Variants in SYN1 observed in about 807,000 individuals in gnomAD.
The protein encoded by SYN1 is synapsin I.
Under a neutral mutation model 44.6 loss-of-function variants are expected in SYN1, and 8 were observed. The ratio of observed to expected loss-of-function variants is 0.18; its 90% CI spans 0.11 to 0.32. SYN1 has a LOEUF of 0.32. Among genes scored for constraint, SYN1 ranks in the 10% least tolerant of loss-of-function variants. The pLI, the probability that SYN1 is intolerant of heterozygous loss-of-function variation, is 1.00. For missense variants in SYN1, 451 were observed against 639.4 expected, an observed-to-expected ratio of 0.71 and a Z score of 3.18; for synonymous variants, 275 against 280.1, an observed-to-expected ratio of 0.98 and a Z score of 0.18.
At chrX:47,578,814 G>A (rs1359654340) in intron 5 of SYN1, among the ~76,000 whole-genome samples, 2 of 111,171 alleles carry the variant, frequency 1.8e-5, no homozygotes, top group East Asian at 2.8e-4. Flanking sequence ...CCCAGTTCCC[G>A]ACAGGCACAG....
intron 1 of SYN1, among the ~76,000 whole-genome samples, chrX:47,610,765 ATGGCCCACACTAAG>A (rs1233741350): frequency 3.6e-5 from 4 of 110,971 alleles, no homozygotes; most frequent in Non-Finnish European, 7.5e-5. Context: ...GGAGTAAACA[ATGGCCCACACTAAG>A]TGAAGCAGAA....
chrX:47,602,851 T>C (rs902441134), intron 5 of SYN1, among the ~76,000 whole-genome samples: 31 of 111,686 alleles, frequency 2.8e-4, no homozygotes, highest in Admixed American at 8.6e-4. Flanking sequence ...TGATCATTTA[T>C]ATGAGTAAAC....
In SYN1 at chrX:47,574,227, T is replaced by A; in HGVS notation, c.1757A>T (p.Gln586Leu). The A allele has an allele frequency of 9.2e-7, 1 of 1,090,502 alleles. No homozygotes were observed. The highest frequency in any genetic ancestry group is 1.2e-6 in the Non-Finnish European group (1 of 842,504). The allele number at this position is 1,090,502 out of a possible 1,213,427, so 89.9% of individuals were successfully genotyped here. The change falls in exon 12 of 13, where the codon CAG (glutamine) becomes CTG (leucine). Residue 586 changes from glutamine to leucine, a missense_variant. Transcript: ENST00000295987. ...KASGAPPGGQQRQGPPQKPPG... is the reference protein window; with the variant it reads ...KASGAPPGGQLRQGPPQKPPG... ...GGGTTTCTGGGGCGGGCCCTGGCGC[T>A]GCTGCCCGCCCGGTGGGGCCCCAGA...
intron 5 of SYN1, among the ~76,000 whole-genome samples, chrX:47,581,891 C>T (rs765216857): frequency 3.6e-5 from 4 of 111,795 alleles, no homozygotes; most frequent in South Asian, 7.4e-4. Context: ...TTAACCACTC[C>T]GTGCCTCAGT....
rs375440874 is a variant in SYN1, at chrX:47,574,756, A to G, written c.1325T>C (p.Leu442Pro). Residue 442 changes from leucine (L) to proline (P), a missense_variant, in exon 11 of 13, where the codon CTG (leucine) becomes CCG (proline). This residue lies in a region of SYN1 where 315 missense variants were observed against 451.4 expected (regional missense o/e 0.70). Transcript: ENST00000295987. ...CTGGGAGGTCTGGCGGCCCAAGGGC[A>G]GGGCCCCTGGGGACGGAGTCTGCGG... Reference protein sequence around the residue: ...SHGQTPSPGALPLGRQTSQQP... With the variant: ...SHGQTPSPGAPPLGRQTSQQP... 116 of 1,186,149 alleles carry G rather than the reference A, an allele frequency of 9.8e-5. No individual in the cohort carries two copies. In the African/African-American group the frequency reaches 1.9e-3, roughly 19 times the overall value.
At chrX:47,586,607 G>A in intron 5 of SYN1, 1 of 1,212,055 alleles carries the variant, frequency 8.3e-7, no homozygotes. Context: ...GCTCTGAAAA[G>A]GGCTTCCAGT....
At chrX:47,605,897 T>G (rs1021879835) in intron 3 of SYN1, among the ~76,000 whole-genome samples, 3 of 110,157 alleles carry the variant, frequency 2.7e-5, no homozygotes, top group Non-Finnish European at 5.7e-5. Context: ...ATATATATTT[T>G]TTTCTTTTTT....
intron 12 of SYN1, among the ~76,000 whole-genome samples, chrX:47,573,472 G>A (rs1386316614): frequency 1.8e-5 from 2 of 111,377 alleles, no homozygotes; most frequent in Admixed American, 1.9e-4. Context: ...TCTGAGCTGG[G>A]ATGGGAGTTG....
At chrX:47,594,541 A>G (rs1005785624) in intron 5 of SYN1, among the ~76,000 whole-genome samples, 6 of 109,022 alleles carry the variant, frequency 5.5e-5, no homozygotes, top group African/African-American at 1.7e-4. Context: ...TCAAAAAAAA[A>G]AAAAAGAAAA....
rs909638776 is a variant in SYN1, at chrX:47,592,431, A to G, written c.774+12547T>C. On this transcript the variant is annotated intron_variant, in intron 5 of 12. Coordinates refer to ENST00000295987, the MANE Select transcript of SYN1 (RefSeq NM_006950.3). ...ATCAGACTCCCTGTGGGCTGGGAGT[A>G]TGAGTCCTTATTATCACTTTTCTTT... 5.4e-5 allele frequency among the ~76,000 whole-genome samples: 6 copies of G among 111,564 alleles called. No homozygotes were observed. In the Admixed American group the frequency reaches 5.7e-4, roughly 11 times the overall value.
intron 5 of SYN1, among the ~76,000 whole-genome samples, chrX:47,589,318 GCA>G (rs2057839221): frequency 1.1e-5 from 1 of 91,374 alleles, no homozygotes; most frequent in Non-Finnish European, 2.2e-5. Context: ...AAAAGGCCGG[GCA>G]TGGTGGCTTA....
chrX:47,585,910 A>C, intron 5 of SYN1: 1 of 1,121,666 alleles, frequency 8.9e-7, no homozygotes, highest in Non-Finnish European at 1.2e-6. Context: ...TGGTCCCTCT[A>C]ATTCTCCCTT....
chrX:47,604,824 C>A, intron 5 of SYN1, 154 bp downstream of exon 5: 1 of 519,513 alleles, frequency 1.9e-6, no homozygotes. Context: ...TAAGGAAATT[C>A]ACGGTAGACC....
chrX:47,578,946 G>C (rs1031385831), intron 5 of SYN1, among the ~76,000 whole-genome samples: 14 of 111,879 alleles, frequency 1.3e-4, no homozygotes, highest in Non-Finnish European at 2.4e-4. Flanking sequence ...ATGTTGGGAC[G>C]GGGGTTTGGG....
At chrX:47,576,095 C>G in intron 9 of SYN1, 36 bp downstream of exon 9, 1 of 1,153,340 alleles carries the variant, frequency 8.7e-7, no homozygotes. Flanking sequence ...GGCATCTGTT[C>G]CTCCCTCTAC....
intron 5 of SYN1, chrX:47,586,514 C>A: frequency 8.3e-7 from 1 of 1,210,328 alleles, no homozygotes; most frequent in Non-Finnish European, 1.1e-6. Context: ...TCCCTCCTCC[C>A]TTCCAGGTGT....
rs1424462205 is a variant in SYN1, at chrX:47,607,169, T to C, written c.407A>G (p.His136Arg). 1 of 1,211,713 alleles carries C rather than the reference T, an allele frequency of 8.3e-7. No homozygotes were observed. Among genetic ancestry groups the C allele is most frequent in the Non-Finnish European group, 1.1e-6 (1 of 895,317 alleles). Residue 136 changes from histidine (H) to arginine (R), a missense_variant, in exon 2 of 13, where the codon CAT becomes CGT. Physicochemically the swap from His to Arg is conservative, Grantham distance 29 (BLOSUM62 0). Transcript: ENST00000295987. ...WAKYFKGKKI[H>R]GEIDIKVEQA... Reference sequence around the variant, plus strand: ...TTCTACTTTAATGTCAATTTCTCCATGGATCTTTTTCCCTTTGAAGTATTT... The same window carrying C: ...TTCTACTTTAATGTCAATTTCTCCACGGATCTTTTTCCCTTTGAAGTATTT...
rs1379185500 is a variant in SYN1 at position 47,619,513 on chromosome X, C to T, written c.216G>A (p.Gly72=). 8.4e-6 allele frequency: 10 copies of T among 1,196,030 alleles called. No homozygotes were observed. Among genetic ancestry groups the T allele is most frequent in the Non-Finnish European group, 1.1e-5 (10 of 891,396 alleles). The change falls in exon 1 of 13, where the codon GGG becomes GGA. Residue 72 remains glycine (G), a synonymous_variant. Transcript: ENST00000295987. ...ACAGCGACGAGAAGAAGCCACCGCC[C>T]CCCGAGGACCCGGGGCTAGGGGCGG... ...SPAAPSPGSS[G]GGGFFSSLSN...
chrX:47,576,647 A>C lies in SYN1; in HGVS notation c.838-7T>G, dbSNP rs898110871. On this transcript the variant is annotated splice_polypyrimidine_tract_variant and splice_region_variant and intron_variant, in intron 6 of 12. Transcript: ENST00000295987. Reference sequence around the variant, plus strand: ...GCTGGTTGTCAACCTTGACCTGTGGAAGTGCGGGCAAGGATCAGGGCCTGG... The same window carrying C: ...GCTGGTTGTCAACCTTGACCTGTGGCAGTGCGGGCAAGGATCAGGGCCTGG... 5 of 1,209,694 alleles carry C rather than the reference A, an allele frequency of 4.1e-6. No homozygotes were observed. Among genetic ancestry groups the C allele is most frequent in the Non-Finnish European group, 5.6e-6 (5 of 895,248 alleles).
Sources: allele counts gnomAD v4.1 joint callset (sites outside exome capture counted in the v4.1 genomes callset), GRCh38; gene constraint gnomAD v4.1.1; regional missense constraint gnomAD v4.1.1; transcripts MANE v1.5; gene names NCBI Gene and HGNC (gene_info 2026-07-23, HGNC 2026-07-21).